BCAP29: variants seen among roughly 807,000 people sequenced by gnomAD.
BCAP29 encodes B-cell receptor-associated protein 29.
Under a neutral mutation model 31.8 loss-of-function variants are expected in BCAP29, and 34 were observed. The ratio of observed to expected loss-of-function variants is 1.07; its 90% CI spans 0.81 to 1.42. The LOEUF is 1.42. Ranked by LOEUF, BCAP29 falls within the 40% of genes most tolerant of loss-of-function variation. The pLI, the probability that BCAP29 is intolerant of heterozygous loss-of-function variation, is 0.00. For synonymous variants in BCAP29, 104 were observed against 91.3 expected (o/e 1.14, Z -0.79); for missense variants, 314 against 269.2 (o/e 1.17, Z -1.16).
intron 4 of BCAP29, among the ~76,000 whole-genome samples, chr7:107,595,223 G>T (rs572857141): frequency 4.8e-4 from 73 of 152,156 alleles, no homozygotes; most frequent in Non-Finnish European, 6.9e-4. Flanking sequence ...CTCAAAGAAT[G>T]TATATATACT....
intron 6 of BCAP29, among the ~76,000 whole-genome samples, chr7:107,602,836 T>G (rs1811395257): frequency 1.3e-5 from 2 of 152,064 alleles, no homozygotes; most frequent in Admixed American, 6.6e-5. Context: ...GGTGCTTCCG[T>G]GCAGTAATAT....
Position 107,580,755 on chromosome 7 carries a change from T to G in BCAP29, c.-14-4T>G. 1 of 1,575,742 alleles carries G rather than the reference T, an allele frequency of 6.3e-7. No individual in the cohort carries two copies. Among genetic ancestry groups the G allele is most frequent in the East Asian group, 2.3e-5 (1 of 42,560 alleles). On this transcript the variant is annotated splice_region_variant and splice_polypyrimidine_tract_variant and intron_variant, in intron 1 of 7. Transcript: ENST00000005259. ...CAAGAGAAAATAAGTGTTTTTCCATTTAGGTGTGAAGAAAAAAATGACACT... is the reference window on the plus strand; with the variant it reads ...CAAGAGAAAATAAGTGTTTTTCCATGTAGGTGTGAAGAAAAAAATGACACT...
intron 7 of BCAP29, among the ~76,000 whole-genome samples, chr7:107,617,681 T>G (rs943593817): frequency 6.6e-6 from 1 of 152,208 alleles, no homozygotes; most frequent in Non-Finnish European, 1.5e-5. Context: ...GTCTTTTTAT[T>G]TGATTGCAAA....
chr7:107,613,962 C>T (rs1214106533), intron 7 of BCAP29, among the ~76,000 whole-genome samples: 2 of 152,162 alleles, frequency 1.3e-5, no homozygotes, highest in African/African-American at 2.4e-5. Flanking sequence ...TTTTCTTTCT[C>T]TTTCTCTCTA....
intron 6 of BCAP29, among the ~76,000 whole-genome samples, chr7:107,610,618 T>G (rs1217555558): frequency 6.6e-6 from 1 of 152,176 alleles, no homozygotes; most frequent in Non-Finnish European, 1.5e-5. Flanking sequence ...TTTATTAATA[T>G]CCACTGAAAT....
At chr7:107,593,228 C>T (rs1809197428) in intron 3 of BCAP29, among the ~76,000 whole-genome samples, 1 of 152,110 alleles carries the variant, frequency 6.6e-6, no homozygotes, top group African/African-American at 2.4e-5. Context: ...GCTTTTGAGA[C>T]CTTATAAGGC....
At chr7:107,603,788 G>T (rs1302180779) in intron 6 of BCAP29, among the ~76,000 whole-genome samples, 1 of 151,322 alleles carries the variant, frequency 6.6e-6, no homozygotes, top group Non-Finnish European at 1.5e-5. Flanking sequence ...TTGATTTTTT[G>T]TAAAGACAGG....
intron 1 of BCAP29, 79 bp from the exon 2 acceptor site, chr7:107,580,680 C>A: frequency 1.0e-6 from 1 of 978,614 alleles, no homozygotes; most frequent in Non-Finnish European, 1.6e-6. Flanking sequence ...ATCCCCTGGA[C>A]AAAAACGCTG....
rs1427051198 is a variant in BCAP29, at chr7:107,599,148, A to AAC, written c.481-1248_481-1247insCA. Among the ~76,000 whole-genome samples, 18 of 124,560 alleles carry AAC rather than the reference A, an allele frequency of 1.4e-4. 1 individual carries two copies. The highest frequency in any genetic ancestry group is 4.6e-4 in the African/African-American group (15 of 32,392). 81.7% of individuals were successfully genotyped at this position (124,560 alleles called of 152,430 possible). On this transcript the variant is annotated intron_variant, in intron 5 of 7. Coordinates refer to ENST00000005259, the MANE Select transcript of BCAP29 (RefSeq NM_018844.4). The stretch of plus-strand genomic sequence containing the variant: ...TATATTAAAAATTTATATGTATATA[A>AAC]ATATATATTTATAAATATATAAATA...
chr7:107,589,147 A>G (rs929176721), intron 3 of BCAP29, among the ~76,000 whole-genome samples: 2 of 152,352 alleles, frequency 1.3e-5, no homozygotes, highest in African/African-American at 4.8e-5. Context: ...AAACAGCTGT[A>G]AACTGTACAT....
At chr7:107,617,878 T>C (rs1585262138) in intron 7 of BCAP29, among the ~76,000 whole-genome samples, 1 of 152,208 alleles carries the variant, frequency 6.6e-6, no homozygotes, top group South Asian at 2.1e-4. Context: ...TTTCCTTCAG[T>C]TTTAAATGAT....
chr7:107,600,884 T>TA (rs910270775), intron 6 of BCAP29, among the ~76,000 whole-genome samples: 5 of 152,170 alleles, frequency 3.3e-5, no homozygotes, highest in African/African-American at 1.2e-4. Context: ...TACAAGAAAA[T>TA]ATATTGTTTA....
intron 6 of BCAP29, among the ~76,000 whole-genome samples, chr7:107,608,803 G>A (rs1039976114): frequency 6.6e-6 from 1 of 152,130 alleles, no homozygotes; most frequent in Non-Finnish European, 1.5e-5. Context: ...ACTTTGTATT[G>A]TTCACCTGAC....
intron 6 of BCAP29, among the ~76,000 whole-genome samples, chr7:107,611,761 A>C (rs1320555619): frequency 6.6e-6 from 1 of 152,236 alleles, no homozygotes; most frequent in Non-Finnish European, 1.5e-5. Context: ...TCAGTCTTTA[A>C]TACCTTATTT....
In BCAP29 at chr7:107,580,393, TGGCCCGACCC is replaced by T. The variant is rs1200873718; in HGVS notation, c.-15+99_-15+108del. 6 of 214,962 alleles carry T rather than the reference TGGCCCGACCC, an allele frequency of 2.8e-5. No individual in the cohort carries two copies. The South Asian group carries it at 3.4e-4, about 12-fold the overall frequency. 13.3% of individuals were successfully genotyped at this position (214,962 alleles called of 1,614,324 possible). A position where few individuals can be genotyped will look rare whatever the true frequency, so the allele number is the denominator to read the frequency against. On this transcript the variant is annotated intron_variant, in intron 1 of 7. Coordinates refer to ENST00000005259, the MANE Select transcript of BCAP29 (RefSeq NM_018844.4). ...TCTGGAGAACCCCGCGGAGCTGGCC[TGGCCCGACCC>T]GGCCCGGCCCGGTCCGCGGCGCGGT...
intron 3 of BCAP29, among the ~76,000 whole-genome samples, chr7:107,586,043 T>C (rs1214698312): frequency 6.6e-6 from 1 of 152,054 alleles, no homozygotes; most frequent in East Asian, 1.9e-4. Context: ...GAAAAATTTG[T>C]AATAAAATAC....
At chr7:107,593,828 T>G in intron 3 of BCAP29, 127 bp from the exon 4 acceptor site, 1 of 881,432 alleles carries the variant, frequency 1.1e-6, no homozygotes, top group Non-Finnish European at 1.7e-6. Context: ...CGGAATGACA[T>G]AAAGGTCGCC....
intron 5 of BCAP29, among the ~76,000 whole-genome samples, chr7:107,599,246 A>AATATATATAATTTATAT (rs1563134016): frequency 1.6e-5 from 2 of 127,568 alleles, no homozygotes; most frequent in African/African-American, 6.2e-5. Context: ...TTTATATATA[A>AATATATATAATTTATAT]ATATATATAA....
intron 3 of BCAP29, among the ~76,000 whole-genome samples, chr7:107,584,442 C>G (rs1807260097): frequency 1.3e-5 from 2 of 152,220 alleles, no homozygotes; most frequent in Admixed American, 1.3e-4. Flanking sequence ...GGCGAGGTGG[C>G]TCAGGCCTGT....
Sources: allele counts gnomAD v4.1 joint callset (sites outside exome capture counted in the v4.1 genomes callset), GRCh38; gene constraint gnomAD v4.1.1; transcripts MANE v1.5; gene names NCBI Gene and HGNC (gene_info 2026-07-23, HGNC 2026-07-21).